RBMS3: variants seen among roughly 807,000 people sequenced by gnomAD.
The protein encoded by RBMS3 is RNA-binding motif, single-stranded-interacting protein 3.
Under a neutral mutation model 66.8 loss-of-function variants are expected in RBMS3, and 27 were observed. The observed-to-expected ratio is 0.40, with a 90% CI of 0.30 to 0.56. RBMS3 has a LOEUF of 0.56. Among genes scored for constraint, RBMS3 ranks in the 20% least tolerant of loss-of-function variants. The probability of loss-of-function intolerance (pLI) is 0.40; values close to 1 mark genes in which losing one functional copy is unlikely to be tolerated. For missense variants in RBMS3, 513 were observed against 549.5 expected, an observed-to-expected ratio of 0.93 and a Z score of 0.66; for synonymous variants, 188 against 183.0, an observed-to-expected ratio of 1.03 and a Z score of -0.22.
At chr3:29,907,946 T>C (rs1275878930) in intron 10 of RBMS3, among the ~76,000 whole-genome samples, 1 of 151,946 alleles carries the variant, frequency 6.6e-6, no homozygotes, top group East Asian at 1.9e-4. Flanking sequence ...TTATAATCTA[T>C]TTAAGAATTT....
intron 1 of RBMS3, among the ~76,000 whole-genome samples, chr3:29,312,383 G>A (rs1054207199): frequency 1.3e-5 from 2 of 151,682 alleles, no homozygotes; most frequent in African/African-American, 2.4e-5. Context: ...CTCTCAACCT[G>A]ACAAGAGGTT....
At chr3:29,999,549 A>G (rs1699474174) in intron 14 of RBMS3, among the ~76,000 whole-genome samples, 1 of 152,238 alleles carries the variant, frequency 6.6e-6, no homozygotes, top group Admixed American at 6.5e-5. Context: ...AAAATGTGGC[A>G]CATATACACC....
chr3:29,803,227 C>T (rs2057442676), intron 6 of RBMS3, among the ~76,000 whole-genome samples: 1 of 152,106 alleles, frequency 6.6e-6, no homozygotes, highest in Non-Finnish European at 1.5e-5. Flanking sequence ...TATTCTGCCA[C>T]TTTCTTAGGG....
chr3:29,695,919 T>C (rs1337126005), intron 4 of RBMS3, among the ~76,000 whole-genome samples: 2 of 152,208 alleles, frequency 1.3e-5, no homozygotes, highest in Non-Finnish European at 2.9e-5. Flanking sequence ...CTCTGTTGTT[T>C]GAACTGGTCA....
rs916275039 is a variant in RBMS3, at chr3:29,281,843, A to T, written c.75+87A>T. ...CAGACAGGCGTGTGAATTATTAGTT[A>T]ACCCCCACCCCCATCACTTCTTCCT... On this transcript the variant is annotated intron_variant, in intron 1 of 14. Transcript: ENST00000383767. The T allele has an allele frequency of 4.9e-5, 54 of 1,110,138 alleles. 1 individual carries two copies. The highest frequency in any genetic ancestry group is 4.0e-4 in the Middle Eastern group (2 of 5,004). 68.8% of individuals were successfully genotyped at this position (1,110,138 alleles called of 1,614,324 possible).
At chr3:29,827,461 C>A (rs2058240579) in intron 6 of RBMS3, among the ~76,000 whole-genome samples, 1 of 152,090 alleles carries the variant, frequency 6.6e-6, no homozygotes, top group African/African-American at 2.4e-5. Flanking sequence ...AATATCCTGG[C>A]ATTATAAAAG....
At chr3:29,971,571 T>C (rs79151086) in intron 12 of RBMS3, among the ~76,000 whole-genome samples, 16,030 of 152,070 alleles carry the variant, frequency 0.11, 1,561 homozygotes, top group African/African-American at 0.23. Context: ...TTTATTCTCC[T>C]TTAATTTTTT....
At chr3:29,756,062 C>G (rs140019683) in intron 5 of RBMS3, among the ~76,000 whole-genome samples, 82 of 152,280 alleles carry the variant, frequency 5.4e-4, no homozygotes, top group African/African-American at 1.9e-3. Flanking sequence ...GGAATAATGG[C>G]AAAGTGGCTT....
intron 1 of RBMS3, among the ~76,000 whole-genome samples, chr3:29,420,129 G>A (rs942930686): frequency 6.6e-6 from 1 of 152,158 alleles, no homozygotes; most frequent in Non-Finnish European, 1.5e-5. Flanking sequence ...TTCTCTGTTG[G>A]CTGGTGAATA....
At chr3:29,980,266 C>G (rs1469259734) in intron 12 of RBMS3, among the ~76,000 whole-genome samples, 1 of 152,130 alleles carries the variant, frequency 6.6e-6, no homozygotes, top group Non-Finnish European at 1.5e-5. Flanking sequence ...ATCCTTCACC[C>G]ACTTTTTGAT....
chr3:29,297,258 A>G (rs56272896), intron 1 of RBMS3, among the ~76,000 whole-genome samples: 4,248 of 151,950 alleles, frequency 0.028, 200 homozygotes, highest in African/African-American at 0.097. Context: ...ATATTAGACT[A>G]ATAGTAATGT....
intron 8 of RBMS3, among the ~76,000 whole-genome samples, chr3:29,892,908 C>CG (rs1436906763): frequency 6.6e-6 from 1 of 150,528 alleles, no homozygotes; most frequent in Non-Finnish European, 1.5e-5. Context: ...CAAACCCTGA[C>CG]CATGGCAGGG....
intron 6 of RBMS3, among the ~76,000 whole-genome samples, chr3:29,833,951 C>T (rs774793438): frequency 6.6e-6 from 1 of 151,972 alleles, no homozygotes; most frequent in Non-Finnish European, 1.5e-5. Flanking sequence ...ATGCTTATCA[C>T]ATATAAGAGA....
chr3:29,375,581 C>T (rs1559529052), intron 1 of RBMS3, among the ~76,000 whole-genome samples: 1 of 152,134 alleles, frequency 6.6e-6, no homozygotes, highest in Non-Finnish European at 1.5e-5. Context: ...GACATACATG[C>T]AGCCAACAAA....
At chr3:29,289,532 T>G (rs1321460277) in intron 1 of RBMS3, among the ~76,000 whole-genome samples, 2 of 151,806 alleles carry the variant, frequency 1.3e-5, no homozygotes, top group Non-Finnish European at 2.9e-5. Flanking sequence ...CCTAATATTA[T>G]AAAAGCATAA....
intron 4 of RBMS3, among the ~76,000 whole-genome samples, chr3:29,638,911 G>A (rs2149191470): frequency 6.6e-6 from 1 of 151,928 alleles, no homozygotes; most frequent in African/African-American, 2.4e-5. Context: ...TGTAAATTAA[G>A]ACTACATTTT....
At chr3:29,522,910 A>G (rs866927220) in intron 3 of RBMS3, among the ~76,000 whole-genome samples, 2 of 152,190 alleles carry the variant, frequency 1.3e-5, no homozygotes, top group South Asian at 2.1e-4. Context: ...CAGAATTCCC[A>G]TGACCCTTAC....
chr3:29,907,169 G>T (rs927607552), intron 10 of RBMS3, among the ~76,000 whole-genome samples: 2 of 151,976 alleles, frequency 1.3e-5, no homozygotes, highest in African/African-American at 4.8e-5. Flanking sequence ...CAAAATGTTT[G>T]GTTGATTCTT....
intron 1 of RBMS3, among the ~76,000 whole-genome samples, chr3:29,409,246 A>C (rs1015577863): frequency 6.6e-6 from 1 of 152,202 alleles, no homozygotes; most frequent in African/African-American, 2.4e-5. Context: ...CCTCTGCTCC[A>C]CGTGGTACCA....
Sources: gnomAD v4.1 joint callset for allele counts (sites outside exome capture counted in the v4.1 genomes callset) on GRCh38, gnomAD v4.1.1 for gene constraint, MANE v1.5 for transcripts, NCBI Gene and HGNC (gene_info 2026-07-23, HGNC 2026-07-21) for gene names.